SHROOM2: variants seen among roughly 807,000 people sequenced by gnomAD.
The protein encoded by SHROOM2 is shroom family member 2.
A neutral mutation model predicts 75.9 loss-of-function variants in SHROOM2; 33 were observed. The observed-to-expected ratio is 0.43, with a 90% CI of 0.33 to 0.58. The LOEUF (loss-of-function observed/expected upper bound fraction) is 0.58. Ranked by LOEUF, SHROOM2 falls within the 20% of genes least tolerant of loss-of-function variation. The probability of loss-of-function intolerance (pLI) is 0.04; values close to 1 mark genes in which losing one functional copy is unlikely to be tolerated. For synonymous variants in SHROOM2, 655 were observed against 663.6 expected (o/e 0.99, Z 0.20); for missense variants, 1,434 against 1,461.2 (o/e 0.98, Z 0.30).
intron 4 of SHROOM2, among the ~76,000 whole-genome samples, chrX:9,897,570 G>GA (rs56239501): frequency 1.1e-5 from 1 of 91,229 alleles, no homozygotes; most frequent in Non-Finnish European, 2.1e-5. Flanking sequence ...AAAAAAAAAA[G>GA]AAAAAAAAAA....
intron 5 of SHROOM2, among the ~76,000 whole-genome samples, chrX:9,921,179 T>G (rs6640561): frequency 0.25 from 27,735 of 110,873 alleles, 2,590 homozygotes; most frequent in East Asian, 0.31. Context: ...ACAACATGGT[T>G]GTTGGCTTCC....
intron 2 of SHROOM2, among the ~76,000 whole-genome samples, chrX:9,885,181 T>G (rs1489894758): frequency 8.9e-6 from 1 of 112,094 alleles, no homozygotes; most frequent in African/African-American, 3.2e-5. Context: ...CAGAAACATG[T>G]CTGTCCTGCA....
intron 2 of SHROOM2, among the ~76,000 whole-genome samples, chrX:9,888,200 C>T (rs2084271364): frequency 8.9e-6 from 1 of 112,394 alleles, no homozygotes; most frequent in Non-Finnish European, 1.9e-5. Flanking sequence ...AGCAGATGCC[C>T]AGAAGCTTTG....
chrX:9,856,360 A>G (rs1014450633), intron 1 of SHROOM2, among the ~76,000 whole-genome samples: 1 of 111,604 alleles, frequency 9.0e-6, no homozygotes, highest in Non-Finnish European at 1.9e-5. Context: ...GAAAAACATA[A>G]AAACAGCCAG....
chrX:9,925,588 G>C (rs1252459734), intron 5 of SHROOM2, among the ~76,000 whole-genome samples: 2 of 112,269 alleles, frequency 1.8e-5, no homozygotes, highest in Non-Finnish European at 3.8e-5. Flanking sequence ...GCAATGCTGG[G>C]CCCTACCCCA....
At chrX:9,848,981 A>G (rs1043686858) in intron 1 of SHROOM2, among the ~76,000 whole-genome samples, 3 of 111,668 alleles carry the variant, frequency 2.7e-5, no homozygotes, top group Non-Finnish European at 5.7e-5. Flanking sequence ...CCCACCCCAG[A>G]GCGACCGTTT....
intron 5 of SHROOM2, among the ~76,000 whole-genome samples, chrX:9,902,739 G>A (rs1312139025): frequency 2.7e-5 from 3 of 112,013 alleles, no homozygotes; most frequent in African/African-American, 9.7e-5. Flanking sequence ...GGCCTTGGGT[G>A]AGGACTGTGT....
chrX:9,853,505 C>G (rs1004267669), intron 1 of SHROOM2, among the ~76,000 whole-genome samples: 10 of 111,817 alleles, frequency 8.9e-5, no homozygotes, highest in African/African-American at 3.2e-4. Context: ...GGGGGAAGAG[C>G]CTTCCTTGTT....
chrX:9,830,584 CTTTTTTTTTTTTTTTTT>C lies in SHROOM2; in HGVS notation c.166-43050_166-43034del, dbSNP rs1166769024. Among the ~76,000 whole-genome samples, 35 of 33,651 alleles carry C rather than the reference CTTTTTTTTTTTTTTTTT, an allele frequency of 1.0e-3. 2 individuals are homozygous for C. The South Asian group carries it at 0.094, about 90-fold the overall frequency. The allele number at this position is 33,651 out of a possible 115,157, so 29.2% of individuals were successfully genotyped here. On this transcript the variant is annotated intron_variant, in intron 1 of 9. Coordinates refer to ENST00000380913, the MANE Select transcript of SHROOM2 (RefSeq NM_001649.4). ...AGGGTCTCAAGTGAACCCCTGGTTT[CTTTTTTTTTTTTTTTTT>C]TTTTTTTTTTTTTTTTTGAGACAGA...
Position 9,912,407 on chromosome X carries a change from G to A in SHROOM2, c.2891+14117G>A, listed in dbSNP as rs1015280824. On this transcript the variant is annotated intron_variant, in intron 5 of 9. Transcript: ENST00000380913. ...GGAGCCTTGAGCCGTGGAGGTGAAG[G>A]TTGACGGAGCCTGCGTGAGCTTGCC... The A allele has an allele frequency of 5.4e-5, 6 of 111,773 alleles. No individual in the cohort carries two copies. The Admixed American group carries it at 5.7e-4, about 11-fold the overall frequency. 9.2% of individuals were successfully genotyped at this position (111,773 alleles called of 1,213,427 possible).
At chrX:9,876,680 C>T (rs773260572) in intron 2 of SHROOM2, among the ~76,000 whole-genome samples, 12 of 112,638 alleles carry the variant, frequency 1.1e-4, no homozygotes, top group African/African-American at 1.9e-4. Flanking sequence ...TGCTTAAAAG[C>T]GTGATCAAAT....
chrX:9,915,876 G>C (rs962997933), intron 5 of SHROOM2, among the ~76,000 whole-genome samples: 2 of 112,090 alleles, frequency 1.8e-5, no homozygotes, highest in South Asian at 7.5e-4. Flanking sequence ...TTGGGGTCAC[G>C]TGCAATTGTG....
intron 1 of SHROOM2, among the ~76,000 whole-genome samples, chrX:9,843,458 G>A (rs1439706002): frequency 3.7e-5 from 4 of 109,428 alleles, no homozygotes; most frequent in Non-Finnish European, 5.7e-5. Flanking sequence ...GAGTGCAGTG[G>A]CGTGATCATA....
At chrX:9,801,340 A>G (rs1374825836) in intron 1 of SHROOM2, among the ~76,000 whole-genome samples, 1 of 111,787 alleles carries the variant, frequency 8.9e-6, no homozygotes, top group Admixed American at 9.5e-5. Context: ...GGACACAACC[A>G]AACTGTATCC....
At chrX:9,887,920 G>A (rs1233510046) in intron 2 of SHROOM2, among the ~76,000 whole-genome samples, 1 of 113,334 alleles carries the variant, frequency 8.8e-6, no homozygotes, top group African/African-American at 3.2e-5. Context: ...CCAGGCAGTA[G>A]CCACTACCCA....
chrX:9,808,554 A>T (rs66761349), intron 1 of SHROOM2, among the ~76,000 whole-genome samples: 2 of 109,360 alleles, frequency 1.8e-5, no homozygotes, highest in South Asian at 3.9e-4. Context: ...GTCTCAAAAA[A>T]TTTTTTTAAA....
chrX:9,808,039 A>T (rs1454531485), intron 1 of SHROOM2, among the ~76,000 whole-genome samples: 1 of 111,351 alleles, frequency 9.0e-6, no homozygotes, highest in Non-Finnish European at 1.9e-5. Flanking sequence ...CGCAGGGAGA[A>T]CTGGTCTGTG....
chrX:9,917,580 C>G (rs2283702), intron 5 of SHROOM2, among the ~76,000 whole-genome samples: 22,783 of 110,450 alleles, frequency 0.21, 1,796 homozygotes, highest in African/African-American at 0.25. Flanking sequence ...GAGTGCAGTG[C>G]CGCAATCTCA....
chrX:9,842,244 A>G (rs866601644), intron 1 of SHROOM2, among the ~76,000 whole-genome samples: 1 of 110,581 alleles, frequency 9.0e-6, no homozygotes, highest in Non-Finnish European at 1.9e-5. Context: ...TTTCCTCTTA[A>G]CTTGTTGTTT....
Sources: gnomAD v4.1 joint callset for allele counts (sites outside exome capture counted in the v4.1 genomes callset) on GRCh38, gnomAD v4.1.1 for gene constraint, MANE v1.5 for transcripts, NCBI Gene and HGNC (gene_info 2026-07-23, HGNC 2026-07-21) for gene names.